The following FMN1 variants were observed in gnomAD, a reference collection of about 807,000 sequenced individuals.
FMN1 encodes formin 1, also known as formin-1.
FMN1 carries 110 observed loss-of-function variants against 132.4 expected under a neutral mutation model. The observed-to-expected ratio is 0.83, with a 90% CI of 0.71 to 0.97. The LOEUF (loss-of-function observed/expected upper bound fraction) is 0.97. Ranked by LOEUF, FMN1 falls within the 50% of genes least tolerant of loss-of-function variation. The pLI, the probability that FMN1 is intolerant of heterozygous loss-of-function variation, is 0.00. For synonymous variants in FMN1, 722 were observed against 651.7 expected (o/e 1.11, Z -1.64); for missense variants, 1,792 against 1,705.3 (o/e 1.05, Z -0.90).
intron 7 of FMN1, among the ~76,000 whole-genome samples, chr15:32,975,525 T>G (rs1567493224): frequency 6.6e-6 from 1 of 152,198 alleles, no homozygotes; most frequent in Non-Finnish European, 1.5e-5. Flanking sequence ...CTGTTAGACA[T>G]TACTTACAGA....
intron 4 of FMN1, among the ~76,000 whole-genome samples, chr15:33,108,702 C>T (rs1166109123): frequency 3.3e-5 from 5 of 152,122 alleles, no homozygotes; most frequent in Admixed American, 6.6e-5. Context: ...TATCCTATTC[C>T]TCTTTTGATG....
chr15:33,008,215 CA>C, intron 6 of FMN1, 140 bp from the exon 7 acceptor site: 1 of 690,644 alleles, frequency 1.4e-6, no homozygotes, highest in African/African-American at 1.8e-5. Flanking sequence ...TTAAAAATTA[CA>C]GAAAGATAGG....
intron 6 of FMN1, among the ~76,000 whole-genome samples, chr15:33,018,528 T>G (rs1243909169): frequency 1.3e-5 from 2 of 152,202 alleles, no homozygotes; most frequent in African/African-American, 2.4e-5. Flanking sequence ...TCTGGACAGC[T>G]GAACACGAAA....
chr15:32,797,213 A>G (rs555650837), intron 19 of FMN1, among the ~76,000 whole-genome samples: 1 of 152,396 alleles, frequency 6.6e-6, no homozygotes, highest in South Asian at 2.1e-4. Context: ...ACAGAAGATC[A>G]TTAACATATA....
chr15:32,957,298 CTTTTTTTTTT>C (rs869111673), intron 9 of FMN1, among the ~76,000 whole-genome samples: 2 of 84,194 alleles, frequency 2.4e-5, no homozygotes, highest in South Asian at 5.0e-4. Context: ...CAGAGCAGTT[CTTTTTTTTTT>C]TTTTTTTTTT....
intron 3 of FMN1, among the ~76,000 whole-genome samples, chr15:33,159,545 C>T (rs1964808125): frequency 1.3e-5 from 2 of 152,110 alleles, no homozygotes; most frequent in Non-Finnish European, 2.9e-5. Flanking sequence ...GCACTCTATC[C>T]TAGCTCTCCC....
At chr15:32,957,315 T>TTTTTTTG (rs1567461377) in intron 9 of FMN1, among the ~76,000 whole-genome samples, 15 of 145,250 alleles carry the variant, frequency 1.0e-4, no homozygotes, top group South Asian at 2.2e-4. Flanking sequence ...TTTTTTTTTT[T>TTTTTTTG]TTTTTTTTTT....
chr15:32,957,544 A>T (rs1185717477), intron 9 of FMN1, among the ~76,000 whole-genome samples: 1 of 152,088 alleles, frequency 6.6e-6, no homozygotes, highest in Non-Finnish European at 1.5e-5. Flanking sequence ...GTTGTGGGAT[A>T]CTTCCATGAA....
In FMN1 at chr15:33,085,047, A is replaced by G. The variant is rs539438521; in HGVS notation, c.2043+3752T>C. On this transcript the variant is annotated intron_variant, in intron 5 of 20. Coordinates refer to ENST00000616417, the MANE Select transcript of FMN1 (RefSeq NM_001277313.2). ...TATTGCTTAGAGTCCAAAGCCCACCAGAGGAAAGGGGTTTTTGTGAGCTGC... is the reference window on the plus strand; with the variant it reads ...TATTGCTTAGAGTCCAAAGCCCACCGGAGGAAAGGGGTTTTTGTGAGCTGC... Among the ~76,000 whole-genome samples, 4 of 152,312 alleles carry G rather than the reference A, an allele frequency of 2.6e-5. No individual in the cohort carries two copies. In the East Asian group the frequency reaches 7.7e-4, roughly 29 times the overall value.
At chr15:32,795,480 T>C (rs899295105) in intron 19 of FMN1, among the ~76,000 whole-genome samples, 31 of 152,050 alleles carry the variant, frequency 2.0e-4, no homozygotes, top group African/African-American at 6.5e-4. Context: ...GAAGAGCTCA[T>C]AGTCACCATT....
At chr15:33,128,525 CG>C (rs1204290286) in intron 4 of FMN1, among the ~76,000 whole-genome samples, 14 of 152,218 alleles carry the variant, frequency 9.2e-5, no homozygotes, top group Admixed American at 8.5e-4. Context: ...AATGAAACAG[CG>C]TGATATGTTA....
intron 6 of FMN1, among the ~76,000 whole-genome samples, chr15:33,048,746 C>T (rs1466916381): frequency 1.3e-5 from 2 of 151,708 alleles, no homozygotes; most frequent in Non-Finnish European, 2.9e-5. Flanking sequence ...ACATGGATGG[C>T]GGCAGGCAAA....
chr15:33,066,092 A>G (rs1374871930), intron 5 of FMN1, among the ~76,000 whole-genome samples: 2 of 152,162 alleles, frequency 1.3e-5, no homozygotes, highest in Admixed American at 6.5e-5. Context: ...CCACAAACAC[A>G]TATTTTGTCA....
At chr15:32,967,901 A>T (rs922452081) in intron 8 of FMN1, among the ~76,000 whole-genome samples, 2 of 152,274 alleles carry the variant, frequency 1.3e-5, no homozygotes, top group African/African-American at 2.4e-5. Context: ...CTTTACAAAC[A>T]AACTTTAAAG....
At chr15:32,919,662 T>G (rs955632761) in intron 10 of FMN1, among the ~76,000 whole-genome samples, 1 of 152,226 alleles carries the variant, frequency 6.6e-6, no homozygotes, top group African/African-American at 2.4e-5. Flanking sequence ...TCAAACTTTT[T>G]ACTGTTGGGG....
intron 20 of FMN1, among the ~76,000 whole-genome samples, chr15:32,776,352 G>T (rs1451318103): frequency 6.6e-6 from 1 of 152,194 alleles, no homozygotes; most frequent in African/African-American, 2.4e-5. Flanking sequence ...AGCATAGGGA[G>T]AGATGTCAGG....
chr15:33,075,020 CAAAAAAAAAAAAAA>C (rs57504432), intron 5 of FMN1, among the ~76,000 whole-genome samples: 18 of 61,692 alleles, frequency 2.9e-4, no homozygotes, highest in Admixed American at 7.9e-4. Flanking sequence ...GATTCCATCT[CAAAAAAAAAAAAAA>C]AAAAAAAAAA....
chr15:32,853,867 C>T (rs1431326539), intron 17 of FMN1, among the ~76,000 whole-genome samples: 1 of 152,126 alleles, frequency 6.6e-6, no homozygotes, highest in Non-Finnish European at 1.5e-5. Context: ...CTCTGCATTC[C>T]AGTAACTTAG....
At chr15:33,075,264 G>A (rs2038163878) in intron 5 of FMN1, among the ~76,000 whole-genome samples, 1 of 152,060 alleles carries the variant, frequency 6.6e-6, no homozygotes, top group Admixed American at 6.5e-5. Context: ...TCCCAGGAAA[G>A]GAACAGCTTC....
Sources: allele counts gnomAD v4.1 joint callset (sites outside exome capture counted in the v4.1 genomes callset), GRCh38; gene constraint gnomAD v4.1.1; transcripts MANE v1.5; gene names NCBI Gene and HGNC (gene_info 2026-07-23, HGNC 2026-07-21).